NEK7: variants seen among roughly 807,000 people sequenced by gnomAD.
The protein encoded by NEK7 is serine/threonine-protein kinase Nek7.
A neutral mutation model predicts 44.6 loss-of-function variants in NEK7; 18 were observed. That is an observed-to-expected ratio of 0.40 (90% CI 0.28 to 0.60). NEK7 has a LOEUF of 0.60. Ranked by LOEUF, NEK7 falls within the 20% of genes least tolerant of loss-of-function variation. The pLI, the probability that NEK7 is intolerant of heterozygous loss-of-function variation, is 0.38. For synonymous variants in NEK7, 130 were observed against 121.1 expected (o/e 1.07, Z -0.48); for missense variants, 256 against 366.5 (o/e 0.70, Z 2.46).
At chr1:198,192,141 GTTTGT>G (rs1171797398) in intron 1 of NEK7, among the ~76,000 whole-genome samples, 1 of 151,408 alleles carries the variant, frequency 6.6e-6, no homozygotes, top group African/African-American at 2.4e-5. Flanking sequence ...TCAGGAAGTT[GTTTGT>G]TTTATCTTAT....
chr1:198,191,199 CAT>C (rs1459609617), intron 1 of NEK7, among the ~76,000 whole-genome samples: 2 of 151,890 alleles, frequency 1.3e-5, no homozygotes, highest in Non-Finnish European at 2.9e-5. Flanking sequence ...TGTCTTTGTG[CAT>C]ATGTTAGAGT....
intron 5 of NEK7, among the ~76,000 whole-genome samples, chr1:198,272,861 C>T (rs1222431083): frequency 6.6e-6 from 1 of 151,682 alleles, no homozygotes; most frequent in Non-Finnish European, 1.5e-5. Flanking sequence ...TACCAGTTTT[C>T]AGGAGGCAAC....
intron 5 of NEK7, among the ~76,000 whole-genome samples, chr1:198,271,024 G>T (rs978555571): frequency 6.6e-6 from 1 of 151,884 alleles, no homozygotes; most frequent in Non-Finnish European, 1.5e-5. Flanking sequence ...GTCAACTGGG[G>T]GTATCCTTAG....
intron 1 of NEK7, among the ~76,000 whole-genome samples, chr1:198,224,940 G>A (rs2102853546): frequency 6.6e-6 from 1 of 152,236 alleles, no homozygotes; most frequent in South Asian, 2.1e-4. Flanking sequence ...TATTCTGGTG[G>A]AAACACCAAG....
chr1:198,288,319 G>A (rs923164858), intron 7 of NEK7, among the ~76,000 whole-genome samples: 17 of 152,176 alleles, frequency 1.1e-4, no homozygotes, highest in African/African-American at 9.7e-5. Context: ...CCTCCCAGCC[G>A]CCATAACAGG....
intron 1 of NEK7, among the ~76,000 whole-genome samples, chr1:198,158,336 ACAC>A (rs1287830808): frequency 3.3e-5 from 5 of 152,210 alleles, no homozygotes; most frequent in Admixed American, 6.5e-5. Flanking sequence ...GCAATTGAAA[ACAC>A]CACATTTCCA....
chr1:198,247,674 T>G (rs1666872699), intron 2 of NEK7, among the ~76,000 whole-genome samples: 1 of 152,206 alleles, frequency 6.6e-6, no homozygotes, highest in African/African-American at 2.4e-5. Context: ...TATTTTGGAC[T>G]TCTAGAAGAA....
intron 1 of NEK7, among the ~76,000 whole-genome samples, chr1:198,159,777 A>G (rs557909523): frequency 2.0e-5 from 3 of 152,336 alleles, no homozygotes; most frequent in Admixed American, 1.3e-4. Flanking sequence ...AGGAAAGCAC[A>G]TATGGTATGA....
chr1:198,163,338 T>A (rs531278444), intron 1 of NEK7, among the ~76,000 whole-genome samples: 107 of 151,326 alleles, frequency 7.1e-4, no homozygotes, highest in South Asian at 5.7e-3. Flanking sequence ...ACAAAAAATT[T>A]AAAAAAAATT....
chr1:198,286,963 A>G (rs928714326), intron 7 of NEK7, among the ~76,000 whole-genome samples: 1 of 152,112 alleles, frequency 6.6e-6, no homozygotes, highest in Admixed American at 6.5e-5. Flanking sequence ...AATCTAGGGT[A>G]ATCTTCCTAT....
At chr1:198,263,761 G>C (rs567689558) in intron 4 of NEK7, among the ~76,000 whole-genome samples, 1 of 152,018 alleles carries the variant, frequency 6.6e-6, no homozygotes, top group Admixed American at 6.6e-5. Context: ...TTATCATTGA[G>C]TGTTCCTAAA....
intron 2 of NEK7, among the ~76,000 whole-genome samples, chr1:198,243,429 TTC>T (rs1270821440): frequency 2.6e-5 from 4 of 152,256 alleles, no homozygotes; most frequent in African/African-American, 9.6e-5. Context: ...AAAAGGCTTT[TTC>T]TCTCCATATT....
Position 198,209,124 on chromosome 1 carries a change from A to G in NEK7, c.-28-23429A>G, listed in dbSNP as rs575664870. On this transcript the variant is annotated intron_variant, in intron 1 of 9. Transcript: ENST00000367385. ...GTACACACACATGTAATATACACAT[A>G]TATACACATATGTATGTGTATATAT... 4.1e-5 allele frequency among the ~76,000 whole-genome samples: 6 copies of G among 146,076 alleles called. No homozygotes were observed. The East Asian group carries it at 1.2e-3, about 30-fold the overall frequency.
intron 7 of NEK7, among the ~76,000 whole-genome samples, chr1:198,280,794 A>T (rs1297126448): frequency 6.7e-6 from 1 of 149,206 alleles, no homozygotes; most frequent in Non-Finnish European, 1.5e-5. Flanking sequence ...GTATATATAC[A>T]CATTATAAAT....
intron 9 of NEK7, among the ~76,000 whole-genome samples, chr1:198,309,604 C>A (rs1268470415): frequency 6.6e-6 from 1 of 151,760 alleles, no homozygotes; most frequent in Non-Finnish European, 1.5e-5. Flanking sequence ...TCCCCCCACC[C>A]CACAACAGTC....
intron 5 of NEK7, among the ~76,000 whole-genome samples, chr1:198,275,639 G>C (rs1221114200): frequency 6.6e-6 from 1 of 151,226 alleles, no homozygotes; most frequent in South Asian, 2.1e-4. Flanking sequence ...AATTTTAAGA[G>C]AAGATTGTCC....
chr1:198,169,631 TCTC>T (rs1352747701), intron 1 of NEK7, among the ~76,000 whole-genome samples: 1 of 151,544 alleles, frequency 6.6e-6, no homozygotes, highest in Admixed American at 6.6e-5. Context: ...CTTTCTGGCT[TCTC>T]CACTCTATGC....
intron 1 of NEK7, among the ~76,000 whole-genome samples, chr1:198,210,454 T>G (rs1243781603): frequency 1.3e-5 from 2 of 152,182 alleles, no homozygotes; most frequent in African/African-American, 4.8e-5. Flanking sequence ...ATTTGGCCAT[T>G]CTCATATTGT....
At chr1:198,315,093 G>A (rs1212416115) in intron 9 of NEK7, among the ~76,000 whole-genome samples, 1 of 152,180 alleles carries the variant, frequency 6.6e-6, no homozygotes, top group African/African-American at 2.4e-5. Flanking sequence ...GAGACTCCAT[G>A]GGCGTAGGAC....
Sources: allele counts gnomAD v4.1 joint callset (sites outside exome capture counted in the v4.1 genomes callset), GRCh38; gene constraint gnomAD v4.1.1; transcripts MANE v1.5; gene names NCBI Gene and HGNC (gene_info 2026-07-23, HGNC 2026-07-21).